The following KLF17 variants were observed in gnomAD, a reference collection of about 807,000 sequenced individuals.
KLF17 encodes the protein Krueppel-like factor 17.
A neutral mutation model predicts 34.2 loss-of-function variants in KLF17; 31 were observed. The ratio of observed to expected loss-of-function variants is 0.91; its 90% CI spans 0.68 to 1.22. The LOEUF (loss-of-function observed/expected upper bound fraction) is 1.22, where lower values mean the gene tolerates loss of function less well. KLF17 is among the 50% of genes most tolerant of loss of function. The pLI, the probability that KLF17 is intolerant of heterozygous loss-of-function variation, is 0.00. For missense variants in KLF17, 478 were observed against 505.2 expected, an observed-to-expected ratio of 0.95 and a Z score of 0.52; for synonymous variants, 179 against 186.7, an observed-to-expected ratio of 0.96 and a Z score of 0.34.
At chr1:44,078,484 G>T in the KLF17 span, among the ~76,000 whole-genome samples, 1 of 148,496 alleles carries the variant, frequency 6.7e-6, no homozygotes, top group Non-Finnish European at 1.5e-5. Context: ...CCAGGCTGCA[G>T]TGCAGTGCAG....
At chr1:44,069,337 G>C in the KLF17 span, among the ~76,000 whole-genome samples, 1 of 152,162 alleles carries the variant, frequency 6.6e-6, no homozygotes, top group African/African-American at 2.4e-5. This position sits in a 1 kb window ranked among gnomAD's most constrained non-coding sequence, Gnocchi z 4.7. Flanking sequence ...CTGAGGCTGG[G>C]TAACTAATAA....
At chr1:44,112,343 C>T in the KLF17 span, among the ~76,000 whole-genome samples, 39 of 152,300 alleles carry the variant, frequency 2.6e-4, no homozygotes, top group African/African-American at 9.4e-4. Flanking sequence ...ACCAAACCTC[C>T]AGGTTCAGGA....
At chr1:44,124,622 G>C (rs1197372513) in intron 1 of KLF17, among the ~76,000 whole-genome samples, 3 of 151,766 alleles carry the variant, frequency 2.0e-5, no homozygotes, top group Non-Finnish European at 2.9e-5. Context: ...AGCCTCCCGA[G>C]TAGGTGGGAC....
the KLF17 span, among the ~76,000 whole-genome samples, chr1:44,078,454 G>C: frequency 1.0e-5 from 1 of 98,896 alleles, no homozygotes; most frequent in Non-Finnish European, 2.1e-5. Flanking sequence ...TTTTTTTTTT[G>C]AAGGAGTTTT....
chr1:44,089,605 C>G, the KLF17 span, among the ~76,000 whole-genome samples: 1 of 152,114 alleles, frequency 6.6e-6, no homozygotes, highest in Non-Finnish European at 1.5e-5. Flanking sequence ...GGGATCTGGG[C>G]AGTGCGTCTC....
the KLF17 span, among the ~76,000 whole-genome samples, chr1:44,088,986 G>C: frequency 6.6e-6 from 1 of 152,132 alleles, no homozygotes; most frequent in African/African-American, 2.4e-5. Flanking sequence ...CTAAGGAACC[G>C]ACAGGCCAAA....
chr1:44,068,453 G>A, the KLF17 span, among the ~76,000 whole-genome samples: 1 of 152,168 alleles, frequency 6.6e-6, no homozygotes, highest in Non-Finnish European at 1.5e-5. Context: ...CTGGGGCAGG[G>A]CCCTCCAGTT....
chr1:44,049,999 A>G, the KLF17 span, among the ~76,000 whole-genome samples: 3 of 152,248 alleles, frequency 2.0e-5, no homozygotes, highest in African/African-American at 7.2e-5. Context: ...AATTGGATTC[A>G]TGCCTGGGGT....
the KLF17 span, among the ~76,000 whole-genome samples, chr1:44,097,071 T>G: frequency 2.0e-5 from 3 of 152,240 alleles, no homozygotes; most frequent in Admixed American, 2.0e-4. Flanking sequence ...TTAACACCAT[T>G]GATTAAATAG....
At chr1:44,071,982 G>GT in the KLF17 span, among the ~76,000 whole-genome samples, 718 of 149,490 alleles carry the variant, frequency 4.8e-3, 3 homozygotes, top group Non-Finnish European at 7.6e-3. Context: ...TCCTCCTACT[G>GT]TTTTTTTTTG....
At chr1:44,109,158 T>C in the KLF17 span, among the ~76,000 whole-genome samples, 4 of 152,166 alleles carry the variant, frequency 2.6e-5, no homozygotes, top group South Asian at 4.1e-4. Flanking sequence ...GGCCTGTAAA[T>C]GAGAAAAGCC....
At chr1:44,092,296 C>T in the KLF17 span, among the ~76,000 whole-genome samples, 26 of 137,326 alleles carry the variant, frequency 1.9e-4, no homozygotes, top group African/African-American at 6.4e-4. Flanking sequence ...GAGCCGAGAT[C>T]GAGCCATTGC....
chr1:44,059,511 C>G, the KLF17 span, among the ~76,000 whole-genome samples: 2 of 152,292 alleles, frequency 1.3e-5, no homozygotes, highest in Admixed American at 1.3e-4. Flanking sequence ...CCAGGGTGCA[C>G]AGTTCTACCT....
At chr1:44,122,436 T>C (rs2087958724) in intron 1 of KLF17, 3 of 1,386,152 alleles carry the variant, frequency 2.2e-6, no homozygotes, top group Non-Finnish European at 3.1e-6. Flanking sequence ...GACTGTTCCA[T>C]GGACCTGTGT....
the KLF17 span, among the ~76,000 whole-genome samples, chr1:44,069,512 G>GAGAGAGAGAGA: frequency 6.9e-3 from 787 of 114,336 alleles, 18 homozygotes; most frequent in Non-Finnish European, 8.5e-3. The surrounding 1 kb of genome is among the most constrained non-coding windows in gnomAD (Gnocchi z 4.7). Flanking sequence ...GAGAGAGAGA[G>GAGAGAGAGAGA]AAGACAGGAG....
the KLF17 span, among the ~76,000 whole-genome samples, chr1:44,070,599 T>C: frequency 7.1e-6 from 1 of 141,832 alleles, no homozygotes; most frequent in Non-Finnish European, 1.5e-5. Flanking sequence ...TCTTTTTTTT[T>C]TTTTTTTTTT....
the KLF17 span, chr1:44,107,297 G>A: frequency 6.6e-6 from 1 of 152,134 alleles, no homozygotes; most frequent in African/African-American, 2.4e-5. Context: ...TAGAGACAGG[G>A]TTTCACTGTT....
the KLF17 span, among the ~76,000 whole-genome samples, chr1:44,050,382 T>C: frequency 6.6e-6 from 1 of 152,228 alleles, no homozygotes; most frequent in Non-Finnish European, 1.5e-5. Flanking sequence ...CAGTTTACTA[T>C]TGCCATGGCA....
At chr1:44,059,771 C>T in the KLF17 span, among the ~76,000 whole-genome samples, 3 of 151,914 alleles carry the variant, frequency 2.0e-5, no homozygotes, top group South Asian at 4.2e-4. Flanking sequence ...CAAAAGCAGA[C>T]GTTTCCCTGT....
Sources: gnomAD v4.1 joint callset for allele counts (sites outside exome capture counted in the v4.1 genomes callset) on GRCh38, gnomAD v4.1.1 for gene constraint, Gnocchi (gnomAD v3.1) non-coding constraint, MANE v1.5 for transcripts, NCBI Gene and HGNC (gene_info 2026-07-23, HGNC 2026-07-21) for gene names.